Variants in LRRIQ4 observed in about 807,000 individuals in gnomAD.
LRRIQ4 encodes leucine rich repeats and IQ motif containing 4.
Under a neutral mutation model 40.1 loss-of-function variants are expected in LRRIQ4, and 21 were observed. The observed-to-expected ratio is 0.52, with a 90% confidence interval of 0.37 to 0.75. LRRIQ4 has a LOEUF of 0.75. Ranked by LOEUF, LRRIQ4 falls within the 30% of genes least tolerant of loss-of-function variation. LRRIQ4 has a pLI of 0.00. For missense variants in LRRIQ4, 655 were observed against 660.0 expected, an observed-to-expected ratio of 0.99 and a Z score of 0.08; for synonymous variants, 277 against 277.1, an observed-to-expected ratio of 1.00 and a Z score of 0.00.
chr3:169,827,852 C>A (rs1020892153), intron 2 of LRRIQ4, among the ~76,000 whole-genome samples: 2 of 152,122 alleles, frequency 1.3e-5, no homozygotes, highest in Non-Finnish European at 2.9e-5. Context: ...AAATAGAGAA[C>A]CTTCTTAAGG....
intron 1 of LRRIQ4, among the ~76,000 whole-genome samples, chr3:169,818,240 G>A (rs1002386428): frequency 6.6e-6 from 1 of 152,200 alleles, no homozygotes; most frequent in Non-Finnish European, 1.5e-5. Context: ...TGCTCTGGGG[G>A]TTGGAGGAGG....
chr3:169,832,467 C>CAA (rs766710567), intron 4 of LRRIQ4, among the ~76,000 whole-genome samples: 4 of 104,252 alleles, frequency 3.8e-5, no homozygotes, highest in African/African-American at 6.8e-5. Context: ...GACTCTGTCT[C>CAA]AAAAAAAAAA....
At chr3:169,830,842 T>G (rs971216977) in intron 4 of LRRIQ4, among the ~76,000 whole-genome samples, 2 of 152,188 alleles carry the variant, frequency 1.3e-5, no homozygotes, top group African/African-American at 4.8e-5. Flanking sequence ...GTTAAGTCAT[T>G]TATTAAAATG....
At chr3:169,836,132 G>A (rs572616789) in intron 5 of LRRIQ4, among the ~76,000 whole-genome samples, 1 of 151,560 alleles carries the variant, frequency 6.6e-6, no homozygotes, top group South Asian at 2.1e-4. Context: ...GGAAATAAAA[G>A]CATGAAATAG....
chr3:169,822,181 G>A lies in LRRIQ4; in HGVS notation c.260G>A (p.Cys87Tyr). The A allele has an allele frequency of 6.2e-7, 1 of 1,607,256 alleles. No homozygotes were observed. The highest frequency in any genetic ancestry group is 8.5e-7 in the Non-Finnish European group (1 of 1,178,220). Residue 87 changes from cysteine to tyrosine, a missense_variant, in exon 2 of 6, where the codon TGC becomes TAC. Cys to Tyr is a radical substitution (Grantham distance 194). Transcript: ENST00000340806. ...GATAAGAACAACCTGAGGAGCCTGT[G>A]CCCGGCGCTGGGGCTGCTGAGCAGC... is the stretch of plus-strand genomic sequence containing the variant. Reference protein sequence around the residue: ...YLDKNNLRSLCPALGLLSSLE... With the variant: ...YLDKNNLRSLYPALGLLSSLE...
At chr3:169,830,416 A>AATTT in intron 3 of LRRIQ4, 76 bp from the exon 4 acceptor site, 2 of 357,916 alleles carry the variant, frequency 5.6e-6, no homozygotes, top group Non-Finnish European at 9.6e-6. Context: ...AAAATGCATG[A>AATTT]GCACCCACAG....
Position 169,837,633 on chromosome 3 carries a change from C to A in LRRIQ4, c.*2C>A, listed in dbSNP as rs369857553. 5.1e-6 allele frequency: 8 copies of A among 1,562,128 alleles called. No individual in the cohort carries two copies. In the African/African-American group the frequency reaches 1.1e-4, roughly 21 times the overall value. On this transcript the variant is annotated 3_prime_UTR_variant, in exon 6 of 6. Coordinates refer to ENST00000340806, the MANE Select transcript of LRRIQ4 (RefSeq NM_001080460.3). The stretch of plus-strand genomic sequence containing the variant: ...CCAGGAAAGGGAAAAAAGAAATAAT[C>A]CTGTAAATTGATAAATTGGGGTAAT...
At chr3:169,823,082 CTTTGTATTA>C in intron 2 of LRRIQ4, 141 bp downstream of exon 2, 1 of 662,464 alleles carries the variant, frequency 1.5e-6, no homozygotes, top group South Asian at 2.3e-5. Flanking sequence ...CAAGGTGATA[CTTTGTATTA>C]CTCTCTTTTT....
chr3:169,822,469 A>T lies in LRRIQ4; in HGVS notation c.548A>T (p.Glu183Val). The change falls in exon 2 of 6, where the codon GAG becomes GTG. Residue 183 changes from glutamate to valine, a missense_variant. Physicochemically the swap from Glu to Val is moderately radical, Grantham distance 121 (BLOSUM62 -2). Coordinates refer to ENST00000340806, the MANE Select transcript of LRRIQ4 (RefSeq NM_001080460.3). ...AACCAGTTTGAAGTTTTCCCCCAGGAGCTCTGTGTTCTCTACACCCTGGAA... is the reference window on the plus strand; with the variant it reads ...AACCAGTTTGAAGTTTTCCCCCAGGTGCTCTGTGTTCTCTACACCCTGGAA... ...KRNQFEVFPQ[E>V]LCVLYTLEII... The T allele has an allele frequency of 6.2e-7, 1 of 1,614,036 alleles. No individual in the cohort carries two copies. Among genetic ancestry groups the T allele is most frequent in the Non-Finnish European group, 8.5e-7 (1 of 1,179,898 alleles).
chr3:169,837,416 T>C, intron 5 of LRRIQ4, 63 bp from the exon 6 acceptor site: 1 of 1,512,846 alleles, frequency 6.6e-7, no homozygotes, highest in Non-Finnish European at 8.9e-7. Context: ...ATAAAGAGAT[T>C]TAACAATTTC....
At chr3:169,826,606 A>G (rs1780046537) in intron 2 of LRRIQ4, among the ~76,000 whole-genome samples, 1 of 152,184 alleles carries the variant, frequency 6.6e-6, no homozygotes, top group African/African-American at 2.4e-5. Flanking sequence ...ATTTTTGAAC[A>G]TTCAATGTGC....
intron 5 of LRRIQ4, among the ~76,000 whole-genome samples, chr3:169,835,673 C>T (rs969263444): frequency 6.6e-6 from 1 of 152,026 alleles, no homozygotes; most frequent in Non-Finnish European, 1.5e-5. Flanking sequence ...AACAAAAAGC[C>T]CCATAAATTT....
chr3:169,825,577 A>G (rs926224230), intron 2 of LRRIQ4, among the ~76,000 whole-genome samples: 1 of 152,200 alleles, frequency 6.6e-6, no homozygotes, highest in Non-Finnish European at 1.5e-5. Context: ...GGAGTGAAAG[A>G]CTTAAAATAT....
intron 2 of LRRIQ4, among the ~76,000 whole-genome samples, chr3:169,823,340 CTTT>C (rs570781467): frequency 2.8e-5 from 4 of 141,604 alleles, no homozygotes; most frequent in African/African-American, 5.2e-5. Context: ...GGTCTACATT[CTTT>C]TTTTTTTTTT....
Position 169,821,970 on chromosome 3 carries a change from A to G in LRRIQ4, c.49A>G (p.Arg17Gly), listed in dbSNP as rs1300591848. 4 of 1,513,808 alleles carry G rather than the reference A, an allele frequency of 2.6e-6. No homozygotes were observed. The highest frequency in any genetic ancestry group is 3.5e-6 in the Non-Finnish European group (4 of 1,135,540). 93.8% of individuals were successfully genotyped at this position (1,513,808 alleles called of 1,614,324 possible). Reference protein sequence around the residue: ...SVEHSPKIHQRNDPQHVNDRT... With the variant: ...SVEHSPKIHQGNDPQHVNDRT... ...AGAACATTCACCTAAAATTCATCAG[A>G]GAAATGATCCACAGCACGTCAATGA... The change falls in exon 2 of 6, where the codon AGA becomes GGA. Residue 17 changes from arginine to glycine, a missense_variant. Transcript: ENST00000340806.
intron 1 of LRRIQ4, among the ~76,000 whole-genome samples, chr3:169,820,217 G>A (rs940746295): frequency 1.5e-4 from 22 of 151,082 alleles, no homozygotes; most frequent in Non-Finnish European, 2.7e-4. Context: ...CCACTATCAT[G>A]TCATGTTGTT....
At chr3:169,825,340 A>G (rs1251505540) in intron 2 of LRRIQ4, among the ~76,000 whole-genome samples, 1 of 152,226 alleles carries the variant, frequency 6.6e-6, no homozygotes, top group Non-Finnish European at 1.5e-5. Flanking sequence ...TTTTATTTCT[A>G]GAACTTTTTT....
Position 169,837,735 on chromosome 3 carries a change from C to A in LRRIQ4, c.*104C>A. ...CATTAAAATTATTCATAAAATTACA[C>A]TTATGTGTAAAAATAAATGATTCTT... On this transcript the variant is annotated 3_prime_UTR_variant, in exon 6 of 6. Transcript: ENST00000340806. The A allele has an allele frequency of 1.1e-6, 1 of 879,910 alleles. No individual in the cohort carries two copies. Among genetic ancestry groups the A allele is most frequent in the Non-Finnish European group, 1.7e-6 (1 of 603,646 alleles). The allele number at this position is 879,910 out of a possible 1,614,324, so 54.5% of individuals were successfully genotyped here.
chr3:169,820,492 C>T (rs1779860580), intron 1 of LRRIQ4, among the ~76,000 whole-genome samples: 1 of 149,538 alleles, frequency 6.7e-6, no homozygotes, highest in Admixed American at 6.6e-5. Flanking sequence ...TTTTGACTAA[C>T]ATTGCATAAA....
Sources: gnomAD v4.1 joint callset for allele counts (sites outside exome capture counted in the v4.1 genomes callset) on GRCh38, gnomAD v4.1.1 for gene constraint, MANE v1.5 for transcripts, NCBI Gene and HGNC (gene_info 2026-07-23, HGNC 2026-07-21) for gene names.